BEND5: variants seen among roughly 807,000 people sequenced by gnomAD.
BEND5 encodes BEN domain containing 5, also known as BEN domain-containing protein 5.
A neutral mutation model predicts 43.9 loss-of-function variants in BEND5; 22 were observed. The observed-to-expected ratio is 0.50, with a 90% CI of 0.36 to 0.72. The LOEUF (loss-of-function observed/expected upper bound fraction) is 0.72. BEND5 is among the 30% of genes least tolerant of loss of function. The pLI, the probability that BEND5 is intolerant of heterozygous loss-of-function variation, is 0.00. For missense variants in BEND5, 428 were observed against 550.6 expected (o/e 0.78, Z 2.23); for synonymous variants, 228 against 225.9 (o/e 1.01, Z -0.08).
chr1:48,765,463 GC>G (rs1365730692), intron 1 of BEND5, among the ~76,000 whole-genome samples: 1 of 152,224 alleles, frequency 6.6e-6, no homozygotes, highest in Non-Finnish European at 1.5e-5. Flanking sequence ...ATACATTCCT[GC>G]TGGGTATTGT....
chr1:48,752,714 G>A (rs1651933698), intron 3 of BEND5, among the ~76,000 whole-genome samples: 1 of 151,964 alleles, frequency 6.6e-6, no homozygotes, highest in Admixed American at 6.5e-5. Context: ...CCTACTATAT[G>A]CCAGCCTCCA....
chr1:48,770,166 C>T (rs887677651), intron 1 of BEND5, among the ~76,000 whole-genome samples: 1 of 152,228 alleles, frequency 6.6e-6, no homozygotes, highest in Non-Finnish European at 1.5e-5. Flanking sequence ...AAGAGCAAGG[C>T]TGATCCTTCC....
intron 5 of BEND5, among the ~76,000 whole-genome samples, chr1:48,730,386 TCG>T (rs1383712892): frequency 6.6e-6 from 1 of 152,138 alleles, no homozygotes; most frequent in African/African-American, 2.4e-5. Context: ...TCTCTGGGTC[TCG>T]GTTTCACTAT....
At chr1:48,735,376 T>G (rs572117033) in intron 5 of BEND5, among the ~76,000 whole-genome samples, 1 of 149,386 alleles carries the variant, frequency 6.7e-6, no homozygotes, top group South Asian at 2.1e-4. Flanking sequence ...TGGCAAAGAA[T>G]GGATGGATGG....
intron 5 of BEND5, among the ~76,000 whole-genome samples, chr1:48,730,641 C>T (rs577873172): frequency 6.6e-6 from 1 of 152,192 alleles, no homozygotes; most frequent in South Asian, 2.1e-4. Context: ...ATTCTCATTT[C>T]CTGTGGGTAA....
chr1:48,743,085 C>A (rs11205534), intron 3 of BEND5, among the ~76,000 whole-genome samples: 47,512 of 151,920 alleles, frequency 0.31, 8,350 homozygotes, highest in East Asian at 0.71. Context: ...TTCTGTTACG[C>A]CTGGGTTGGA....
chr1:48,755,308 T>C lies in BEND5; in HGVS notation c.745+3592A>G, dbSNP rs533635075. Among the ~76,000 whole-genome samples the C allele has an allele frequency of 7.9e-5, 12 of 152,178 alleles. No individual in the cohort carries two copies. In the South Asian group the frequency reaches 2.5e-3, roughly 32 times the overall value. On this transcript the variant is annotated intron_variant, in intron 3 of 5. Coordinates refer to ENST00000371833, the MANE Select transcript of BEND5 (RefSeq NM_024603.4). ...CATTCGTAGGACCCCACTACCTCGG[T>C]GAGTAAATAATGATTCTTCCAGACA...
At position 48,742,749 on chromosome 1, in the gene BEND5, T is replaced by C. The variant is rs779159389; in HGVS notation, c.768A>G (p.Lys256=). 6.2e-7 allele frequency: 1 copy of C among 1,603,148 alleles called. No individual in the cohort carries two copies. Among genetic ancestry groups the C allele is most frequent in the East Asian group, 2.3e-5 (1 of 44,350 alleles). The stretch of plus-strand genomic sequence containing the variant: ...CGGGCTCGAGACATTCTGACTTTAC[T>C]TTTTCCAGATCAATGGCGGGACCTA... ...LGSGPAIDLE[K]VKSECLEPEP... Residue 256 remains lysine (K), a synonymous_variant, in exon 4 of 6, where the codon AAA becomes AAG. Coordinates refer to ENST00000371833, the MANE Select transcript of BEND5 (RefSeq NM_024603.4).
At chr1:48,752,012 A>G (rs1651817359) in intron 3 of BEND5, among the ~76,000 whole-genome samples, 1 of 152,194 alleles carries the variant, frequency 6.6e-6, no homozygotes, top group Admixed American at 6.5e-5. Flanking sequence ...AAACTACTCC[A>G]CTTCTTATTA....
chr1:48,753,208 C>A (rs1652028770), intron 3 of BEND5, among the ~76,000 whole-genome samples: 1 of 152,222 alleles, frequency 6.6e-6, no homozygotes, highest in Admixed American at 6.5e-5. Context: ...GACCTCAGAG[C>A]CCATTAGGGC....
chr1:48,750,259 T>G (rs1651478138), intron 3 of BEND5, among the ~76,000 whole-genome samples: 1 of 152,166 alleles, frequency 6.6e-6, no homozygotes, highest in South Asian at 2.1e-4. Context: ...ATGAACCACC[T>G]GTAGGAGGGG....
At chr1:48,763,606 G>A (rs1644386410) in intron 1 of BEND5, among the ~76,000 whole-genome samples, 1 of 152,004 alleles carries the variant, frequency 6.6e-6, no homozygotes, top group Non-Finnish European at 1.5e-5. Flanking sequence ...ACAAGTTGAG[G>A]GCAAAGTCTG....
rs755159747 is a variant in BEND5, at chr1:48,742,660, G to A, written c.857C>T (p.Ala286Val). ...TAGGATATACTTGTCCATGACAGGC[G>A]CAGGAGCGGGGTAATAGGACGACGT... ...ANTSSYYPAPAPVMDKYILDN... is the reference protein window; with the variant it reads ...ANTSSYYPAPVPVMDKYILDN... Residue 286 changes from alanine (A) to valine (V), a missense_variant, in exon 4 of 6, where the codon GCG becomes GTG. Physicochemically the swap from Ala to Val is moderately conservative, Grantham distance 64. Transcript: ENST00000371833. The A allele has an allele frequency of 4.6e-5, 74 of 1,607,548 alleles. No individual in the cohort carries two copies. Among genetic ancestry groups the A allele is most frequent in the Non-Finnish European group, 2.4e-5 (28 of 1,176,616 alleles).
rs1346050028 is a variant in BEND5, at chr1:48,736,545, G to C, written c.895-93C>G. 10 of 1,069,406 alleles carry C rather than the reference G, an allele frequency of 9.4e-6. No homozygotes were observed. Among genetic ancestry groups the C allele is most frequent in the Non-Finnish European group, 1.4e-5 (10 of 712,652 alleles). 66.2% of individuals were successfully genotyped at this position (1,069,406 alleles called of 1,614,324 possible). On this transcript the variant is annotated intron_variant, in intron 4 of 5. Coordinates refer to ENST00000371833, the MANE Select transcript of BEND5 (RefSeq NM_024603.4). This position sits in a 1 kb window ranked among gnomAD's most constrained non-coding sequence, Gnocchi z 4.0. ...CTTTAAAAAGCATTGCTGCACAACT[G>C]TAAGAGATTCATGTCATAAATATGA...
chr1:48,727,785 C>T lies in BEND5; in HGVS notation c.*101G>A. On this transcript the variant is annotated 3_prime_UTR_variant, in exon 6 of 6. Transcript: ENST00000371833. The stretch of plus-strand genomic sequence containing the variant: ...CCAGAACCCGATGGATCCCTGCACA[C>T]ACACCACCATGCACGGTGGGGTCTG... 1 of 1,161,872 alleles carries T rather than the reference C, an allele frequency of 8.6e-7. No homozygotes were observed. Among genetic ancestry groups the T allele is most frequent in the Non-Finnish European group, 1.2e-6 (1 of 805,692 alleles). The allele number at this position is 1,161,872 out of a possible 1,614,324, so 72.0% of individuals were successfully genotyped here.
At position 48,759,121 on chromosome 1, in the gene BEND5, T is replaced by A; in HGVS notation, c.524A>T (p.Asp175Val). Reference protein sequence around the residue: ...PGTEDMDSLEDAVVPRALYEE... With the variant: ...PGTEDMDSLEVAVVPRALYEE... Reference sequence around the variant, plus strand: ...ATACAGAGCCCGGGGCACCACAGCATCTTCTAGACTGTCCATGTCCTCTGT... The same window carrying A: ...ATACAGAGCCCGGGGCACCACAGCAACTTCTAGACTGTCCATGTCCTCTGT... Residue 175 changes from aspartate (D) to valine (V), a missense_variant, in exon 3 of 6, where the codon GAT becomes GTT. By Grantham distance (152) the Asp-to-Val change is radical. This residue lies in a region of BEND5 where 243 missense variants were observed against 286.4 expected (regional missense o/e 0.85). Coordinates refer to ENST00000371833, the MANE Select transcript of BEND5 (RefSeq NM_024603.4). 1 of 1,612,290 alleles carries A rather than the reference T, an allele frequency of 6.2e-7. No homozygotes were observed. Among genetic ancestry groups the A allele is most frequent in the Non-Finnish European group, 8.5e-7 (1 of 1,178,980 alleles).
chr1:48,771,810 C>T (rs1644850276), intron 1 of BEND5, among the ~76,000 whole-genome samples: 2 of 152,140 alleles, frequency 1.3e-5, no homozygotes, highest in South Asian at 4.1e-4. Flanking sequence ...GGGACCTGAG[C>T]CCTGAATGAG....
At chr1:48,772,258 G>A (rs960708664) in intron 1 of BEND5, among the ~76,000 whole-genome samples, 1 of 152,244 alleles carries the variant, frequency 6.6e-6, no homozygotes, top group Non-Finnish European at 1.5e-5. Flanking sequence ...AGAGAGTTCT[G>A]AGGAGGGAGA....
At chr1:48,762,514 G>T (rs1211281828) in intron 1 of BEND5, among the ~76,000 whole-genome samples, 2 of 152,076 alleles carry the variant, frequency 1.3e-5, no homozygotes, top group East Asian at 3.9e-4. Context: ...AGTCCTCAAA[G>T]GTTCCCACTG....
Sources: allele counts gnomAD v4.1 joint callset (sites outside exome capture counted in the v4.1 genomes callset), GRCh38; gene constraint gnomAD v4.1.1; regional missense constraint gnomAD v4.1.1; non-coding constraint Gnocchi (gnomAD v3.1); transcripts MANE v1.5; gene names NCBI Gene and HGNC (gene_info 2026-07-23, HGNC 2026-07-21).